DAB1: variants seen among roughly 807,000 people sequenced by gnomAD.
DAB1 encodes the protein DAB adaptor protein 1, also known as disabled homolog 1.
DAB1 carries 15 observed loss-of-function variants against 64.6 expected under a neutral mutation model. The observed-to-expected ratio is 0.23, with a 90% CI of 0.16 to 0.36. DAB1 has a LOEUF of 0.36. Ranked by LOEUF, DAB1 falls within the 10% of genes least tolerant of loss-of-function variation. The pLI is 1.00. For synonymous variants in DAB1, 235 were observed against 251.9 expected, an observed-to-expected ratio of 0.93 and a Z score of 0.64; for missense variants, 596 against 706.7, an observed-to-expected ratio of 0.84 and a Z score of 1.78.
rs191390505 is a variant in DAB1, at chr1:58,240,753, G to A, written n.310-90165C>T. Reference sequence around the variant, plus strand: ...CTTTATTCATAGGAATGGCACCCACGCCAAGACTTGGTGGTTACTGACTCT... The same window carrying A: ...CTTTATTCATAGGAATGGCACCCACACCAAGACTTGGTGGTTACTGACTCT... On this transcript the variant is annotated intron_variant and non_coding_transcript_variant, in intron 4 of 20. Transcript: ENST00000485760. 1.4e-3 allele frequency among the ~76,000 whole-genome samples: 216 copies of A among 152,262 alleles called. 1 individual carries two copies. Among genetic ancestry groups the A allele is most frequent in the Admixed American group, 0.013 (197 of 15,294 alleles).
At chr1:57,662,176 G>A (rs949841036) in intron 6 of DAB1, among the ~76,000 whole-genome samples, 1 of 151,110 alleles carries the variant, frequency 6.6e-6, no homozygotes, top group Non-Finnish European at 1.5e-5. Flanking sequence ...AGAGAATGTT[G>A]TTCTTTGTTT....
chr1:58,512,249 T>C (rs1433888642), intron 2 of DAB1, among the ~76,000 whole-genome samples: 1 of 152,088 alleles, frequency 6.6e-6, no homozygotes, highest in Non-Finnish European at 1.5e-5. Flanking sequence ...AAAAGAGACA[T>C]CTAAGTGTTG....
chr1:58,037,650 C>A (rs1000895652), intron 5 of DAB1, among the ~76,000 whole-genome samples: 4 of 152,032 alleles, frequency 2.6e-5, no homozygotes, highest in African/African-American at 9.6e-5. Flanking sequence ...CCACCCTGCT[C>A]CATGGAAAAA....
chr1:57,760,078 G>A (rs1261090632), intron 6 of DAB1, among the ~76,000 whole-genome samples: 1 of 152,156 alleles, frequency 6.6e-6, no homozygotes, highest in Admixed American at 6.5e-5. Flanking sequence ...GAGAACTGAA[G>A]CTCTCCATGG....
intron 1 of DAB1, among the ~76,000 whole-genome samples, chr1:57,321,702 G>A (rs1260382374): frequency 6.6e-6 from 1 of 152,050 alleles, no homozygotes; most frequent in Admixed American, 6.6e-5. Flanking sequence ...CTATAAAATG[G>A]GAGTAATAGC....
intron 6 of DAB1, among the ~76,000 whole-genome samples, chr1:57,764,431 T>G (rs556893241): frequency 1.3e-5 from 2 of 152,342 alleles, no homozygotes; most frequent in Admixed American, 1.3e-4. Flanking sequence ...ATTCTTTATG[T>G]TTGGAACACT....
upstream of DAB1, among the ~76,000 whole-genome samples, chr1:57,428,700 T>C (rs1346340291): frequency 6.6e-6 from 1 of 152,132 alleles, no homozygotes; most frequent in African/African-American, 2.4e-5. Flanking sequence ...TGCTGGAACA[T>C]ATGGTAGTTC....
chr1:58,333,003 G>A (rs1378501820), intron 4 of DAB1, among the ~76,000 whole-genome samples: 4 of 152,098 alleles, frequency 2.6e-5, no homozygotes, highest in Non-Finnish European at 2.9e-5. Context: ...CTCTGCTCCC[G>A]GGTTCAAGCG....
chr1:58,255,989 T>C (rs13375633), intron 4 of DAB1, among the ~76,000 whole-genome samples: 15,452 of 152,250 alleles, frequency 0.1, 1,270 homozygotes, highest in African/African-American at 0.22. Context: ...CTGACACTTC[T>C]TGGCCCCAGT....
At chr1:57,979,168 G>A (rs376213109) in intron 5 of DAB1, among the ~76,000 whole-genome samples, 16 of 152,224 alleles carry the variant, frequency 1.1e-4, no homozygotes, top group South Asian at 1.0e-3. Flanking sequence ...TAACCCAAAT[G>A]TCCATCAATA....
intron 6 of DAB1, among the ~76,000 whole-genome samples, chr1:57,687,420 C>G (rs367890776): frequency 6.6e-5 from 10 of 151,898 alleles, no homozygotes; most frequent in African/African-American, 2.2e-4. Context: ...ACACTCCATG[C>G]TCATGAATTG....
intron 7 of DAB1, among the ~76,000 whole-genome samples, chr1:57,577,952 C>T (rs1173099170): frequency 6.6e-6 from 1 of 152,202 alleles, no homozygotes; most frequent in Non-Finnish European, 1.5e-5. Context: ...CTGAAGCCAA[C>T]ACATCTCCAC....
At chr1:57,350,423 G>A (rs1678487503) in intron 1 of DAB1, among the ~76,000 whole-genome samples, 1 of 152,142 alleles carries the variant, frequency 6.6e-6, no homozygotes, top group Admixed American at 6.6e-5. Flanking sequence ...AAGCTGTGTA[G>A]TAACAAACCA....
chr1:58,033,916 A>G (rs548823857), intron 5 of DAB1, among the ~76,000 whole-genome samples: 1 of 152,192 alleles, frequency 6.6e-6, no homozygotes, highest in Admixed American at 6.5e-5. Context: ...ATATCCAGGG[A>G]TGAAGTGAAA....
chr1:57,429,778 AC>A (rs1685430959), intron 7 of DAB1, among the ~76,000 whole-genome samples: 1 of 152,180 alleles, frequency 6.6e-6, no homozygotes, highest in Non-Finnish European at 1.5e-5. Context: ...TGGTGACTTT[AC>A]CAAAGATTAG....
At chr1:57,800,646 G>A (rs1192706938) in intron 6 of DAB1, among the ~76,000 whole-genome samples, 1 of 152,194 alleles carries the variant, frequency 6.6e-6, no homozygotes, top group Non-Finnish European at 1.5e-5. Flanking sequence ...TGGGATTTAA[G>A]TTACAGTCTC....
intron 6 of DAB1, among the ~76,000 whole-genome samples, chr1:57,752,887 C>T (rs1648620222): frequency 6.6e-6 from 1 of 152,190 alleles, no homozygotes. Context: ...ATAAATCTTC[C>T]TTCCTTCCAA....
At chr1:57,435,046 C>CTTTTTTTTTTTTTTTT (rs71580850) in intron 7 of DAB1, among the ~76,000 whole-genome samples, 4 of 93,078 alleles carry the variant, frequency 4.3e-5, no homozygotes, top group Non-Finnish European at 6.0e-5. Flanking sequence ...TTCTTTTTTT[C>CTTTTTTTTTTTTTTTT]TTTTTTTTTT....
At chr1:58,395,873 G>A (rs1236289161) in intron 3 of DAB1, among the ~76,000 whole-genome samples, 1 of 152,140 alleles carries the variant, frequency 6.6e-6, no homozygotes, top group African/African-American at 2.4e-5. Context: ...TCGGGGAGGT[G>A]CTGATCAAAT....
Sources: gnomAD v4.1 joint callset for allele counts (sites outside exome capture counted in the v4.1 genomes callset) on GRCh38, gnomAD v4.1.1 for gene constraint, MANE v1.5 for transcripts, NCBI Gene and HGNC (gene_info 2026-07-23, HGNC 2026-07-21) for gene names.